Variants in RBPMS observed in about 807,000 individuals in gnomAD.
RBPMS encodes RNA binding protein, mRNA processing factor.
RBPMS carries 7 observed loss-of-function variants against 26.8 expected under a neutral mutation model. That is an observed-to-expected ratio of 0.26 (90% CI 0.15 to 0.49). RBPMS has a LOEUF of 0.49. Among genes scored for constraint, RBPMS ranks in the 20% least tolerant of loss-of-function variants. The pLI is 0.98. For missense variants in RBPMS, 186 were observed against 250.0 expected (o/e 0.74, Z 1.73); for synonymous variants, 96 against 93.3 (o/e 1.03, Z -0.17).
At chr8:30,545,906 T>G (rs555510460) in intron 6 of RBPMS, among the ~76,000 whole-genome samples, 29 of 152,058 alleles carry the variant, frequency 1.9e-4, no homozygotes, top group Non-Finnish European at 3.7e-4. Context: ...GTAGGTGGTG[T>G]TGGTGGTTGA....
At chr8:30,502,202 A>AT (rs1820632605) in intron 4 of RBPMS, among the ~76,000 whole-genome samples, 1 of 103,264 alleles carries the variant, frequency 9.7e-6, no homozygotes, top group Non-Finnish European at 1.9e-5. Flanking sequence ...TGTTGATGTT[A>AT]TTTTAGTTCA....
intron 1 of RBPMS, among the ~76,000 whole-genome samples, chr8:30,424,944 A>G (rs1286627930): frequency 6.6e-6 from 1 of 151,976 alleles, no homozygotes; most frequent in Non-Finnish European, 1.5e-5. Flanking sequence ...TTAACTTTTT[A>G]TTCCATGTAT....
chr8:30,536,980 G>C (rs1265123349), intron 5 of RBPMS, among the ~76,000 whole-genome samples: 1 of 152,182 alleles, frequency 6.6e-6, no homozygotes, highest in African/African-American at 2.4e-5. Flanking sequence ...GAGGCTGGCA[G>C]ACACTTGGAA....
intron 1 of RBPMS, among the ~76,000 whole-genome samples, chr8:30,412,383 T>C (rs747147551): frequency 6.6e-6 from 1 of 152,078 alleles, no homozygotes. Flanking sequence ...CCCAGATGAC[T>C]GTGGCAGTCC....
intron 5 of RBPMS, among the ~76,000 whole-genome samples, chr8:30,523,248 G>A (rs983326082): frequency 2.6e-5 from 4 of 151,964 alleles, no homozygotes; most frequent in African/African-American, 4.8e-5. Context: ...ATGGTGGTGC[G>A]TGCCTGTGAT....
At chr8:30,537,988 G>A (rs567188135) in intron 5 of RBPMS, among the ~76,000 whole-genome samples, 1 of 152,314 alleles carries the variant, frequency 6.6e-6, no homozygotes, top group African/African-American at 2.4e-5. Context: ...TCCATGAGTT[G>A]AGTTTGATGA....
intron 1 of RBPMS, among the ~76,000 whole-genome samples, chr8:30,412,282 G>T (rs1216498334): frequency 3.3e-5 from 5 of 152,140 alleles, no homozygotes; most frequent in Non-Finnish European, 7.4e-5. Flanking sequence ...TTAAGTGCTT[G>T]GTGTTCTTAT....
At chr8:30,409,813 A>G (rs1231885986) in intron 1 of RBPMS, among the ~76,000 whole-genome samples, 1 of 151,574 alleles carries the variant, frequency 6.6e-6, no homozygotes, top group Non-Finnish European at 1.5e-5. Flanking sequence ...TTGTAGTTTT[A>G]GTAGAGACGG....
chr8:30,431,176 G>A (rs1811882236), intron 1 of RBPMS, among the ~76,000 whole-genome samples: 1 of 152,070 alleles, frequency 6.6e-6, no homozygotes, highest in South Asian at 2.1e-4. Context: ...AGTGTATCCA[G>A]GGGGAGAAAA....
intron 6 of RBPMS, among the ~76,000 whole-genome samples, chr8:30,549,782 C>T (rs548997387): frequency 1.0e-5 from 1 of 100,304 alleles, no homozygotes; most frequent in South Asian, 2.9e-4. Flanking sequence ...TTCTCTCTCT[C>T]TCTCTCTCTC....
intron 1 of RBPMS, among the ~76,000 whole-genome samples, chr8:30,447,573 A>AG (rs1814018648): frequency 6.6e-6 from 1 of 152,216 alleles, no homozygotes. Context: ...TCACCCATGT[A>AG]GAAAAAGATC....
At chr8:30,555,759 C>T (rs992222082) in intron 6 of RBPMS, 2 of 445,906 alleles carry the variant, frequency 4.5e-6, no homozygotes, top group African/African-American at 2.1e-5. Flanking sequence ...TAGGTTTCCC[C>T]GTTAAGAAGA....
intron 5 of RBPMS, among the ~76,000 whole-genome samples, chr8:30,514,680 CTTT>C (rs577244764): frequency 1.3e-4 from 11 of 82,650 alleles, no homozygotes; most frequent in Admixed American, 3.7e-4. Context: ...CCATGCCGGG[CTTT>C]TTTTTTTTTT....
intron 7 of RBPMS, among the ~76,000 whole-genome samples, chr8:30,559,848 T>C (rs185210267): frequency 9.8e-5 from 15 of 152,370 alleles, no homozygotes; most frequent in Admixed American, 6.5e-4. Flanking sequence ...AATAGTGTCA[T>C]GGGCCTTTCC....
At chr8:30,408,095 T>C (rs1162171736) in intron 1 of RBPMS, among the ~76,000 whole-genome samples, 1 of 152,186 alleles carries the variant, frequency 6.6e-6, no homozygotes, top group Non-Finnish European at 1.5e-5. Flanking sequence ...CTAAATGGCC[T>C]TGGGCTTACT....
chr8:30,445,649 GATATATATATATATATAT>G (rs59580323), intron 1 of RBPMS, among the ~76,000 whole-genome samples: 2 of 107,368 alleles, frequency 1.9e-5, no homozygotes, highest in African/African-American at 3.9e-5. Flanking sequence ...TATACACACG[GATATATATATATATATAT>G]ATATATATGT....
At chr8:30,549,796 C>CTCTCTCTCT (rs56259442) in intron 6 of RBPMS, among the ~76,000 whole-genome samples, 6 of 96,390 alleles carry the variant, frequency 6.2e-5, no homozygotes, top group African/African-American at 2.4e-4. Context: ...CTCTCTCTCT[C>CTCTCTCTCT]CCCTCTCTCC....
In RBPMS at chr8:30,558,917, T is replaced by C; in HGVS notation, c.559T>C (p.Ser187Pro). 6.2e-7 allele frequency: 1 copy of C among 1,614,166 alleles called. No homozygotes were observed. Among genetic ancestry groups the C allele is most frequent in the Middle Eastern group, 1.6e-4 (1 of 6,062 alleles). The stretch of plus-strand genomic sequence containing the variant: ...CTGGCTCCCTCCCTCCGAGGCTACT[T>C]CTCAGGGCTGGAAGTCCCGTCAGTT... ...MRWLPPSEAT[S>P]QGWKSRQFC The change falls in exon 7 of 9, where the codon TCT (serine) becomes CCT (proline). Residue 187 changes from serine (S) to proline (P), a missense_variant. By Grantham distance (74) the Ser-to-Pro change is moderately conservative. Coordinates refer to ENST00000397323, the MANE Select transcript of RBPMS (RefSeq NM_001008710.3).
chr8:30,391,496 G>T (rs954707104), intron 1 of RBPMS, among the ~76,000 whole-genome samples: 7 of 152,184 alleles, frequency 4.6e-5, no homozygotes, highest in African/African-American at 1.4e-4. Flanking sequence ...TGAGGAGAAT[G>T]AACCTTAAAA....
Sources: gnomAD v4.1 joint callset for allele counts (sites outside exome capture counted in the v4.1 genomes callset) on GRCh38, gnomAD v4.1.1 for gene constraint, MANE v1.5 for transcripts, NCBI Gene and HGNC (gene_info 2026-07-23, HGNC 2026-07-21) for gene names.